The following MAP2 variants were observed in gnomAD, a reference collection of about 807,000 sequenced individuals.
MAP2 encodes microtubule associated protein 2.
Under a neutral mutation model 137.6 loss-of-function variants are expected in MAP2, and 14 were observed. The observed-to-expected ratio is 0.10, with a 90% CI of 0.07 to 0.16. MAP2 has a LOEUF of 0.16. Ranked by LOEUF, MAP2 falls within the 10% of genes least tolerant of loss-of-function variation. The pLI is 1.00. For missense variants in MAP2, 2,088 were observed against 2,191.5 expected, an observed-to-expected ratio of 0.95 and a Z score of 0.94; for synonymous variants, 786 against 782.3, an observed-to-expected ratio of 1.00 and a Z score of -0.08.
intron 1 of MAP2, among the ~76,000 whole-genome samples, chr2:209,440,068 A>G (rs1461292585): frequency 6.6e-6 from 1 of 151,528 alleles, no homozygotes; most frequent in African/African-American, 2.4e-5. Flanking sequence ...TTATCCTTGA[A>G]ACATTCACTA....
At chr2:209,441,238 T>C (rs1448048807) in intron 1 of MAP2, among the ~76,000 whole-genome samples, 1 of 151,550 alleles carries the variant, frequency 6.6e-6, no homozygotes, top group Non-Finnish European at 1.5e-5. Context: ...TAAAAAATCT[T>C]CTTGAAAAAA....
intron 7 of MAP2, among the ~76,000 whole-genome samples, chr2:209,687,887 C>G (rs2057560251): frequency 6.6e-6 from 1 of 152,144 alleles, no homozygotes; most frequent in Admixed American, 6.5e-5. Flanking sequence ...TTGTTCAGCT[C>G]AGAACGGACC....
chr2:209,655,475 A>C (rs1475099869), intron 5 of MAP2, among the ~76,000 whole-genome samples: 4 of 152,258 alleles, frequency 2.6e-5, no homozygotes, highest in African/African-American at 7.2e-5. Flanking sequence ...TCATGTCTAC[A>C]GAGGATGTTC....
rs559242438 is a variant in MAP2, at chr2:209,633,173, A to G, written c.-30+8044A>G. Among the ~76,000 whole-genome samples, 42 of 152,136 alleles carry G rather than the reference A, an allele frequency of 2.8e-4. No individual in the cohort carries two copies. The South Asian group carries it at 4.4e-3, about 16-fold the overall frequency. ...TATGCCACGTTTCTCTCATGTTACAATCACCTTTGTTATTTCCGTTACTCC... is the reference window on the plus strand; with the variant it reads ...TATGCCACGTTTCTCTCATGTTACAGTCACCTTTGTTATTTCCGTTACTCC... On this transcript the variant is annotated intron_variant, in intron 4 of 15. Coordinates refer to ENST00000682079, the MANE Select transcript of MAP2 (RefSeq NM_001375505.1).
intron 1 of MAP2, among the ~76,000 whole-genome samples, chr2:209,461,178 A>G (rs1170762781): frequency 6.6e-6 from 1 of 152,204 alleles, no homozygotes; most frequent in Non-Finnish European, 1.5e-5. Flanking sequence ...AACTATTCAC[A>G]ATGGTTCAAA....
intron 11 of MAP2, among the ~76,000 whole-genome samples, chr2:209,702,748 AG>A (rs2062134768): frequency 6.6e-6 from 1 of 152,068 alleles, no homozygotes; most frequent in Non-Finnish European, 1.5e-5. Flanking sequence ...CAATAAAAAA[AG>A]AATGACTTGT....
Position 209,680,054 on chromosome 2 carries a change from TTAACA to T in MAP2, c.377-694_377-690del, listed in dbSNP as rs777757457. ...ATGTAAGTGTCTTGAAAAATAAAAC[TTAACA>T]TTAACTGTAAATGAATTACATCTTT... On this transcript the variant is annotated intron_variant, in intron 6 of 15. Coordinates refer to ENST00000682079, the MANE Select transcript of MAP2 (RefSeq NM_001375505.1). Among the ~76,000 whole-genome samples the T allele has an allele frequency of 5.3e-5, 8 of 152,242 alleles. No individual in the cohort carries two copies. In the South Asian group the frequency reaches 1.2e-3, roughly 24 times the overall value.
chr2:209,648,813 A>T (rs2153599425), intron 4 of MAP2, among the ~76,000 whole-genome samples: 1 of 136,356 alleles, frequency 7.3e-6, no homozygotes, highest in African/African-American at 3.2e-5. Flanking sequence ...AGAAAGAAAG[A>T]AAGTTGTTTA....
chr2:209,701,422 C>G (rs1288902631), intron 11 of MAP2, among the ~76,000 whole-genome samples: 1 of 151,644 alleles, frequency 6.6e-6, no homozygotes, highest in Admixed American at 6.6e-5. Flanking sequence ...AGTATTTTCA[C>G]TCCTTTATGA....
intron 2 of MAP2, among the ~76,000 whole-genome samples, chr2:209,564,697 G>A (rs2073018818): frequency 6.6e-6 from 1 of 151,738 alleles, no homozygotes; most frequent in South Asian, 2.1e-4. Flanking sequence ...GGTGGTGGTT[G>A]TTTTGAACCA....
chr2:209,607,337 C>A (rs562318322), intron 3 of MAP2, among the ~76,000 whole-genome samples: 1 of 152,306 alleles, frequency 6.6e-6, no homozygotes, highest in Admixed American at 6.5e-5. Context: ...TAATATAAAA[C>A]TTGAGCCAAG....
chr2:209,658,823 C>G (rs1159568353), intron 5 of MAP2, among the ~76,000 whole-genome samples: 1 of 151,986 alleles, frequency 6.6e-6, no homozygotes, highest in Non-Finnish European at 1.5e-5. Context: ...AAAAAATTTT[C>G]TAATTTCTAT....
At chr2:209,574,261 T>C (rs1039176952) in intron 2 of MAP2, among the ~76,000 whole-genome samples, 11 of 152,316 alleles carry the variant, frequency 7.2e-5, no homozygotes, top group African/African-American at 2.6e-4. Context: ...TCACTGTCTG[T>C]ATCATTGAAT....
At chr2:209,561,311 T>C (rs1015276877) in intron 2 of MAP2, among the ~76,000 whole-genome samples, 3 of 152,206 alleles carry the variant, frequency 2.0e-5, no homozygotes, top group Non-Finnish European at 2.9e-5. Flanking sequence ...TTGGGTTTGG[T>C]AGGGCTTTAT....
chr2:209,537,289 C>A (rs2066123946), intron 2 of MAP2, among the ~76,000 whole-genome samples: 1 of 151,964 alleles, frequency 6.6e-6, no homozygotes, highest in African/African-American at 2.4e-5. Context: ...TATTTTGAGA[C>A]CCCCAAAACT....
At chr2:209,435,415 A>T (rs1235868812) in intron 1 of MAP2, among the ~76,000 whole-genome samples, 2 of 151,784 alleles carry the variant, frequency 1.3e-5, no homozygotes, top group African/African-American at 4.8e-5. Flanking sequence ...CAATAGCAAT[A>T]TCAAAGGCAC....
chr2:209,631,182 G>C (rs2093007703), intron 4 of MAP2, among the ~76,000 whole-genome samples: 1 of 152,006 alleles, frequency 6.6e-6, no homozygotes, highest in Non-Finnish European at 1.5e-5. Context: ...AAATAAAACT[G>C]CTTATAAGAT....
At chr2:209,573,915 T>C (rs2074866492) in intron 2 of MAP2, among the ~76,000 whole-genome samples, 1 of 152,188 alleles carries the variant, frequency 6.6e-6, no homozygotes, top group African/African-American at 2.4e-5. Flanking sequence ...TTTCACTGAG[T>C]ATAATGGCTT....
At chr2:209,559,045 G>A (rs1449845409) in intron 2 of MAP2, among the ~76,000 whole-genome samples, 1 of 152,074 alleles carries the variant, frequency 6.6e-6, no homozygotes, top group Admixed American at 6.6e-5. Context: ...AGCAGTTTCA[G>A]CATACATCAG....
Sources: allele counts gnomAD v4.1 joint callset (sites outside exome capture counted in the v4.1 genomes callset), GRCh38; gene constraint gnomAD v4.1.1; transcripts MANE v1.5; gene names NCBI Gene and HGNC (gene_info 2026-07-23, HGNC 2026-07-21).